Variants in STPG2 observed in about 807,000 individuals in gnomAD.
STPG2 encodes sperm-tail PG-rich repeat-containing protein 2.
A neutral mutation model predicts 54.2 loss-of-function variants in STPG2; 56 were observed. That is an observed-to-expected ratio of 1.03 (90% CI 0.83 to 1.29). The LOEUF (loss-of-function observed/expected upper bound fraction) is 1.29. Among genes scored for constraint, STPG2 ranks in the 50% most tolerant of loss-of-function variants. STPG2 has a pLI of 0.00. For synonymous variants in STPG2, 200 were observed against 181.8 expected, an observed-to-expected ratio of 1.10 and a Z score of -0.81; for missense variants, 596 against 544.9, an observed-to-expected ratio of 1.09 and a Z score of -0.93.
chr4:97,746,143 C>A (rs1227086712), intron 9 of STPG2, among the ~76,000 whole-genome samples: 1 of 151,168 alleles, frequency 6.6e-6, no homozygotes, highest in Non-Finnish European at 1.5e-5. Flanking sequence ...ATGAAACACA[C>A]AGATTCATAA....
intron 10 of STPG2, among the ~76,000 whole-genome samples, chr4:97,609,419 T>C (rs1733679304): frequency 1.3e-5 from 2 of 151,994 alleles, no homozygotes; most frequent in Non-Finnish European, 1.5e-5. Flanking sequence ...TGACCAAGCA[T>C]AGATCATTTC....
chr4:98,130,251 C>T (rs2110164043), intron 2 of STPG2, among the ~76,000 whole-genome samples: 1 of 152,118 alleles, frequency 6.6e-6, no homozygotes, highest in Non-Finnish European at 1.5e-5. Context: ...TCTTGGCTCA[C>T]TGCAACCTCT....
intron 4 of STPG2, among the ~76,000 whole-genome samples, chr4:97,450,154 G>GA (rs1431269623): frequency 2.0e-5 from 3 of 151,942 alleles, no homozygotes; most frequent in Admixed American, 6.6e-5. Flanking sequence ...CGATTGCTTA[G>GA]AAAAATAATA....
At chr4:97,500,707 C>T (rs999162198) in intron 4 of STPG2, among the ~76,000 whole-genome samples, 1 of 151,972 alleles carries the variant, frequency 6.6e-6, no homozygotes, top group Non-Finnish European at 1.5e-5. Flanking sequence ...GAATGAGTGT[C>T]AAGTGCTATG....
chr4:97,825,453 A>T (rs2149107862), intron 9 of STPG2, among the ~76,000 whole-genome samples: 1 of 152,082 alleles, frequency 6.6e-6, no homozygotes. Context: ...TCCCCACCCG[A>T]CCCCTACTGA....
intron 8 of STPG2, among the ~76,000 whole-genome samples, chr4:97,907,590 A>T (rs1292426747): frequency 6.6e-6 from 1 of 152,098 alleles, no homozygotes; most frequent in Non-Finnish European, 1.5e-5. Context: ...ACAAAGCTGG[A>T]GGCATCATGC....
chr4:98,101,569 A>G (rs1181459547), intron 5 of STPG2, among the ~76,000 whole-genome samples: 2 of 152,168 alleles, frequency 1.3e-5, no homozygotes, highest in Non-Finnish European at 2.9e-5. Flanking sequence ...CTGGCCAGTC[A>G]TCAGAATCAC....
At chr4:97,452,784 C>A (rs1729410455) in intron 4 of STPG2, among the ~76,000 whole-genome samples, 2 of 152,204 alleles carry the variant, frequency 1.3e-5, no homozygotes, top group East Asian at 1.9e-4. Flanking sequence ...AATGGGATGA[C>A]CTGCCTGCAG....
chr4:97,995,992 G>T (rs975980603), intron 5 of STPG2, among the ~76,000 whole-genome samples: 10 of 152,266 alleles, frequency 6.6e-5, no homozygotes, highest in African/African-American at 2.4e-4. Context: ...AATCAATATT[G>T]TTAAAATAGC....
At chr4:97,567,876 CA>C (rs1270191092) in intron 10 of STPG2, among the ~76,000 whole-genome samples, 6 of 152,096 alleles carry the variant, frequency 3.9e-5, no homozygotes, top group East Asian at 3.9e-4. Flanking sequence ...GTGCATTTAA[CA>C]AAAGAAACTG....
At chr4:98,095,089 T>G (rs1274475647) in intron 5 of STPG2, among the ~76,000 whole-genome samples, 4 of 152,156 alleles carry the variant, frequency 2.6e-5, no homozygotes, top group African/African-American at 4.8e-5. Context: ...TGTTATTTGC[T>G]TATATAATTA....
At chr4:97,604,837 C>T (rs539114780) in intron 10 of STPG2, among the ~76,000 whole-genome samples, 17 of 151,678 alleles carry the variant, frequency 1.1e-4, no homozygotes, top group Non-Finnish European at 2.5e-4. Flanking sequence ...ATTTAATATG[C>T]CTTTCCCTTC....
intron 9 of STPG2, among the ~76,000 whole-genome samples, chr4:97,737,101 G>C (rs1578519759): frequency 6.6e-6 from 1 of 152,244 alleles, no homozygotes; most frequent in South Asian, 2.1e-4. Context: ...AGGCAACCAG[G>C]GTCTGGAGTG....
chr4:98,141,909 T>C (rs1170531833), intron 1 of STPG2, among the ~76,000 whole-genome samples: 1 of 139,258 alleles, frequency 7.2e-6, no homozygotes, highest in African/African-American at 2.8e-5. Flanking sequence ...GTCCCAATCA[T>C]GTTCCCAGAC....
chr4:97,767,872 T>C (rs1338639670), intron 9 of STPG2, among the ~76,000 whole-genome samples: 2 of 151,952 alleles, frequency 1.3e-5, no homozygotes, highest in Non-Finnish European at 2.9e-5. Flanking sequence ...ATAATGAAGA[T>C]AAAACATAGA....
In STPG2 at chr4:97,964,000, C is replaced by T. The variant is rs139318409; in HGVS notation, c.933+8280G>A. Among the ~76,000 whole-genome samples, 558 of 151,932 alleles carry T rather than the reference C, an allele frequency of 3.7e-3. 1 individual carries two copies. The highest frequency in any genetic ancestry group is 5.7e-3 in the Non-Finnish European group (386 of 67,972). The stretch of plus-strand genomic sequence containing the variant: ...GATGCACCACTGGGACCTGTGGGAG[C>T]AAAATATAATAAAAGAAAAATGTCT... On this transcript the variant is annotated intron_variant, in intron 7 of 10. Transcript: ENST00000295268.
intron 5 of STPG2, among the ~76,000 whole-genome samples, chr4:98,031,339 G>C (rs1270742861): frequency 1.3e-5 from 2 of 152,062 alleles, no homozygotes; most frequent in South Asian, 2.1e-4. Flanking sequence ...TATTGGCTTA[G>C]GCAAGGATTT....
chr4:98,116,198 G>A (rs1739522240), intron 3 of STPG2, among the ~76,000 whole-genome samples: 1 of 151,394 alleles, frequency 6.6e-6, no homozygotes. Context: ...ATACATGCAG[G>A]GAAGCTTGGA....
At chr4:97,849,568 T>G (rs564840429) in intron 8 of STPG2, among the ~76,000 whole-genome samples, 25 of 151,286 alleles carry the variant, frequency 1.7e-4, no homozygotes, top group Middle Eastern at 3.4e-3. Flanking sequence ...TCAAACAAAT[T>G]CACAAGAAAA....
Sources: gnomAD v4.1 joint callset for allele counts (sites outside exome capture counted in the v4.1 genomes callset) on GRCh38, gnomAD v4.1.1 for gene constraint, MANE v1.5 for transcripts, NCBI Gene and HGNC (gene_info 2026-07-23, HGNC 2026-07-21) for gene names.